Variants in FHIP1A observed in about 807,000 individuals in gnomAD.
FHIP1A encodes FHF complex subunit HOOK-interacting protein 1A.
Under a neutral mutation model 88.6 loss-of-function variants are expected in FHIP1A, and 61 were observed. The ratio of observed to expected loss-of-function variants is 0.69; its 90% CI spans 0.56 to 0.85. The LOEUF is 0.85. Ranked by LOEUF, FHIP1A falls within the 40% of genes least tolerant of loss-of-function variation. The probability of loss-of-function intolerance (pLI) is 0.00; values close to 1 mark genes in which losing one functional copy is unlikely to be tolerated. For missense variants in FHIP1A, 1,154 were observed against 1,273.5 expected, an observed-to-expected ratio of 0.91 and a Z score of 1.43; for synonymous variants, 478 against 496.0, an observed-to-expected ratio of 0.96 and a Z score of 0.48.
rs905028615 is a variant in FHIP1A at position 151,665,061 on chromosome 4, A to G, written c.*2307A>G. 6.6e-6 allele frequency among the ~76,000 whole-genome samples: 1 copy of G among 152,002 alleles called. No individual in the cohort carries two copies. Among genetic ancestry groups the G allele is most frequent in the African/African-American group, 2.4e-5 (1 of 41,358 alleles). On this transcript the variant is annotated 3_prime_UTR_variant, in exon 14 of 14. Transcript: ENST00000435205. Reference sequence around the variant, plus strand: ...GTGATCACAGCTCATTGTAGCCTCAACCTCCTGGGCTCAAGTGATCCTCCC... The same window carrying G: ...GTGATCACAGCTCATTGTAGCCTCAGCCTCCTGGGCTCAAGTGATCCTCCC...
chr4:151,535,784 C>G (rs1372823162), intron 3 of FHIP1A, among the ~76,000 whole-genome samples: 2 of 152,222 alleles, frequency 1.3e-5, no homozygotes, highest in Non-Finnish European at 2.9e-5. Context: ...TGTATCTTGA[C>G]TATCATTCCA....
At chr4:151,625,778 A>G (rs1735931471) in intron 7 of FHIP1A, among the ~76,000 whole-genome samples, 1 of 152,216 alleles carries the variant, frequency 6.6e-6, no homozygotes, top group Non-Finnish European at 1.5e-5. Context: ...AAATTCTAAT[A>G]AAAAATAAAA....
intron 1 of FHIP1A, among the ~76,000 whole-genome samples, chr4:151,422,837 C>T (rs1024625680): frequency 2.0e-5 from 3 of 152,160 alleles, no homozygotes; most frequent in Non-Finnish European, 2.9e-5. Context: ...ATTGAGAAGG[C>T]TGATCTGAAT....
intron 3 of FHIP1A, among the ~76,000 whole-genome samples, chr4:151,520,847 A>G (rs2126694519): frequency 6.6e-6 from 1 of 152,344 alleles, no homozygotes; most frequent in East Asian, 1.9e-4. Flanking sequence ...AGAAGTATAA[A>G]GAACAAAAAC....
At chr4:151,565,863 A>G (rs1183886561) in intron 3 of FHIP1A, among the ~76,000 whole-genome samples, 2 of 152,020 alleles carry the variant, frequency 1.3e-5, no homozygotes, top group Non-Finnish European at 2.9e-5. Flanking sequence ...TTAGAATAGT[A>G]ATTTTGGGGG....
chr4:151,548,818 G>A (rs1015706341), intron 3 of FHIP1A, among the ~76,000 whole-genome samples: 11 of 152,142 alleles, frequency 7.2e-5, no homozygotes, highest in Non-Finnish European at 1.6e-4. Flanking sequence ...GCTACTTGGT[G>A]TTGGAAATGC....
In FHIP1A at chr4:151,662,930, C is replaced by T; in HGVS notation, c.*176C>T. On this transcript the variant is annotated 3_prime_UTR_variant, in exon 14 of 14. Coordinates refer to ENST00000435205, the MANE Select transcript of FHIP1A (RefSeq NM_001109977.3). ...CTCTCTCTCTCTAGCCGGGCCTTTC[C>T]ACCTTATGTTATATATAGAATGTAA... is the stretch of plus-strand genomic sequence containing the variant. The T allele has an allele frequency of 3.3e-6, 2 of 608,180 alleles. No homozygotes were observed. Among genetic ancestry groups the T allele is most frequent in the East Asian group, 3.1e-5 (1 of 32,024 alleles). 37.7% of individuals were successfully genotyped at this position (608,180 alleles called of 1,614,324 possible). A position where few individuals can be genotyped will look rare whatever the true frequency, so the allele number is the denominator to read the frequency against.
At chr4:151,521,396 T>G (rs922999363) in intron 3 of FHIP1A, among the ~76,000 whole-genome samples, 54 of 151,952 alleles carry the variant, frequency 3.6e-4, no homozygotes, top group Non-Finnish European at 7.4e-4. Context: ...TTTTAAGAGG[T>G]TTTCTTGCAT....
chr4:151,670,297 A>G lies in FHIP1A; in HGVS notation c.*7543A>G, dbSNP rs1405203253. ...ACCACGATTATCATGAGAGGTCAAG[A>G]TTTTGATTTACTAATTTATAATCTT... On this transcript the variant is annotated 3_prime_UTR_variant, in exon 14 of 14. Coordinates refer to ENST00000435205, the MANE Select transcript of FHIP1A (RefSeq NM_001109977.3). 2 of 152,124 alleles carry G rather than the reference A, an allele frequency of 1.3e-5. No individual in the cohort carries two copies. The highest frequency in any genetic ancestry group is 4.8e-5 in the African/African-American group (2 of 41,414). 9.4% of individuals were successfully genotyped at this position (152,124 alleles called of 1,614,324 possible).
chr4:151,487,584 TG>T (rs1730134011), intron 3 of FHIP1A, among the ~76,000 whole-genome samples: 1 of 152,240 alleles, frequency 6.6e-6, no homozygotes, highest in South Asian at 2.1e-4. Flanking sequence ...CTGAAATCCG[TG>T]CCTTCTTTCA....
chr4:151,547,580 A>G (rs1359068689), intron 3 of FHIP1A, among the ~76,000 whole-genome samples: 10 of 152,196 alleles, frequency 6.6e-5, no homozygotes, highest in Admixed American at 6.5e-4. Flanking sequence ...AAGATAGCTC[A>G]TAGTAATGGC....
At chr4:151,427,224 G>A (rs1733414656) in intron 1 of FHIP1A, among the ~76,000 whole-genome samples, 1 of 152,024 alleles carries the variant, frequency 6.6e-6, no homozygotes, top group Non-Finnish European at 1.5e-5. Flanking sequence ...GTTTAAAAGT[G>A]CACTTACTTA....
At chr4:151,445,635 G>C (rs1304636709) in intron 1 of FHIP1A, among the ~76,000 whole-genome samples, 1 of 151,738 alleles carries the variant, frequency 6.6e-6, no homozygotes, top group Non-Finnish European at 1.5e-5. Flanking sequence ...CATCACCCAG[G>C]AAATTTTAAG....
chr4:151,641,509 A>G (rs1339258357), intron 9 of FHIP1A, among the ~76,000 whole-genome samples: 1 of 152,224 alleles, frequency 6.6e-6, no homozygotes, highest in Non-Finnish European at 1.5e-5. Context: ...AAATTTGTAA[A>G]CATTCTTAAA....
chr4:151,659,837 T>TG (rs1421744697), intron 13 of FHIP1A, among the ~76,000 whole-genome samples: 1 of 152,228 alleles, frequency 6.6e-6, no homozygotes, highest in Non-Finnish European at 1.5e-5. Context: ...AAAGTCTGTG[T>TG]GGCCGCTGCT....
Position 151,664,245 on chromosome 4 carries a change from A to G in FHIP1A, c.*1491A>G, listed in dbSNP as rs1358875960. Among the ~76,000 whole-genome samples, 2 of 152,228 alleles carry G rather than the reference A, an allele frequency of 1.3e-5. No homozygotes were observed. The highest frequency in any genetic ancestry group is 2.9e-5 in the Non-Finnish European group (2 of 68,048). On this transcript the variant is annotated 3_prime_UTR_variant, in exon 14 of 14. Transcript: ENST00000435205. ...GGTCTGGTGGTTGTGCCTCAGGAGC[A>G]CTGGTTTGGTCTTAATCAGGCCTTT... is the stretch of plus-strand genomic sequence containing the variant.
intron 4 of FHIP1A, 100 bp from the exon 5 acceptor site, chr4:151,577,350 C>A: frequency 8.9e-7 from 1 of 1,128,012 alleles, no homozygotes; most frequent in Non-Finnish European, 1.2e-6. Flanking sequence ...TGGGCAGTGG[C>A]TCCTGCATTT....
At chr4:151,530,331 G>A (rs1731826941) in intron 3 of FHIP1A, among the ~76,000 whole-genome samples, 2 of 152,096 alleles carry the variant, frequency 1.3e-5, no homozygotes. Context: ...CCGAGACCAG[G>A]GCAGTAGGTA....
chr4:151,639,686 C>T (rs1736496137), intron 9 of FHIP1A, among the ~76,000 whole-genome samples: 1 of 152,142 alleles, frequency 6.6e-6, no homozygotes, highest in African/African-American at 2.4e-5. Flanking sequence ...AATGTGGCCC[C>T]AAAGCTGAGA....
Sources: allele counts gnomAD v4.1 joint callset (sites outside exome capture counted in the v4.1 genomes callset), GRCh38; gene constraint gnomAD v4.1.1; transcripts MANE v1.5; gene names NCBI Gene and HGNC (gene_info 2026-07-23, HGNC 2026-07-21).